PACRG: variants seen among roughly 807,000 people sequenced by gnomAD.
The protein encoded by PACRG is parkin coregulated.
PACRG carries 29 observed loss-of-function variants against 29.7 expected under a neutral mutation model. The ratio of observed to expected loss-of-function variants is 0.98; its 90% CI spans 0.73 to 1.33. PACRG has a LOEUF of 1.33. PACRG is among the 40% of genes most tolerant of loss of function. PACRG has a pLI of 0.00. For synonymous variants in PACRG, 116 were observed against 118.7 expected (o/e 0.98, Z 0.15); for missense variants, 279 against 316.2 (o/e 0.88, Z 0.89).
At chr6:163,309,406 A>T (rs1406595810) in intron 4 of PACRG, among the ~76,000 whole-genome samples, 1 of 152,222 alleles carries the variant, frequency 6.6e-6, no homozygotes, top group African/African-American at 2.4e-5. Flanking sequence ...TTGTTCTATC[A>T]GTATAATCGT....
At chr6:162,778,099 T>C (rs1468408930) in intron 1 of PACRG, among the ~76,000 whole-genome samples, 2 of 152,172 alleles carry the variant, frequency 1.3e-5, no homozygotes, top group African/African-American at 4.8e-5. Flanking sequence ...GTTTGCCATA[T>C]GAATGAAGGT....
At chr6:163,191,540 G>A (rs1180987336) in intron 4 of PACRG, 1 of 417,888 alleles carries the variant, frequency 2.4e-6, no homozygotes, top group Non-Finnish European at 4.8e-6. Flanking sequence ...CACTTAGGTG[G>A]TTTATAGGGT....
At chr6:163,077,883 G>A (rs1384083920) in intron 3 of PACRG, among the ~76,000 whole-genome samples, 1 of 152,158 alleles carries the variant, frequency 6.6e-6, no homozygotes, top group Non-Finnish European at 1.5e-5. Context: ...AGGGGAATGA[G>A]GAAGGGTGAT....
At chr6:162,937,896 A>AT (rs1268966000) in intron 2 of PACRG, among the ~76,000 whole-genome samples, 1 of 148,392 alleles carries the variant, frequency 6.7e-6, no homozygotes, top group African/African-American at 2.6e-5. Context: ...GTCATTTTTT[A>AT]ATTTTTTTTT....
At chr6:162,783,482 T>C (rs1300147553) in intron 1 of PACRG, among the ~76,000 whole-genome samples, 1 of 152,054 alleles carries the variant, frequency 6.6e-6, no homozygotes, top group East Asian at 1.9e-4. Context: ...TTATAACTGC[T>C]GTTTTTCATT....
rs1232069053 is a variant in PACRG at position 163,269,924 on chromosome 6, AAGAAAACAAAG to A, written c.614-44901_614-44891del. 5.4e-4 allele frequency among the ~76,000 whole-genome samples: 36 copies of A among 66,560 alleles called. 9 individuals are homozygous for A. Among genetic ancestry groups the A allele is most frequent in the African/African-American group, 3.0e-3 (35 of 11,720 alleles). The allele number at this position is 66,560 out of a possible 152,430, so 43.7% of individuals were successfully genotyped here. A position where few individuals can be genotyped will look rare whatever the true frequency, so the allele number is the denominator to read the frequency against. ...AAAGAAAGAAAGAAAGAAAGAAAGA[AAGAAAACAAAG>A]AAAGAAAGAAAGAAAGAAAGAAAGA... On this transcript the variant is annotated intron_variant, in intron 4 of 4. Coordinates refer to ENST00000366888, the MANE Select transcript of PACRG (RefSeq NM_001080379.2).
chr6:162,968,051 G>A (rs191597390), intron 2 of PACRG, among the ~76,000 whole-genome samples: 1 of 152,216 alleles, frequency 6.6e-6, no homozygotes, highest in East Asian at 1.9e-4. Flanking sequence ...TACTTACATA[G>A]TGAGTTACAC....
intron 3 of PACRG, among the ~76,000 whole-genome samples, chr6:163,079,375 G>A (rs551705): frequency 0.24 from 36,684 of 150,230 alleles, 4,873 homozygotes; most frequent in East Asian, 0.51. Context: ...AATCATTAGT[G>A]CGTATTACTT....
At chr6:163,298,216 C>T (rs1327643391) in intron 4 of PACRG, among the ~76,000 whole-genome samples, 1 of 141,140 alleles carries the variant, frequency 7.1e-6, no homozygotes, top group Non-Finnish European at 1.5e-5. Context: ...ACCCAGTAGA[C>T]AAATAGGCCA....
Position 162,755,676 on chromosome 6 carries a change from G to A in PACRG, c.156+27285G>A, listed in dbSNP as rs867685762. On this transcript the variant is annotated intron_variant, in intron 1 of 4. Transcript: ENST00000366888. ...GGTCTTGAATTCCTGACCTCAAATG[G>A]TCCACCCACCTTGGCCTCCCAAAGT... 1.0e-3 allele frequency among the ~76,000 whole-genome samples: 155 copies of A among 151,988 alleles called. 1 individual carries two copies. Among genetic ancestry groups the A allele is most frequent in the African/African-American group, 3.4e-3 (140 of 41,504 alleles).
intron 4 of PACRG, among the ~76,000 whole-genome samples, chr6:163,250,073 G>A (rs922043218): frequency 6.6e-6 from 1 of 152,182 alleles, no homozygotes; most frequent in Non-Finnish European, 1.5e-5. Flanking sequence ...GTGGTCATAA[G>A]GTGATAGACA....
intron 1 of PACRG, among the ~76,000 whole-genome samples, chr6:162,795,789 C>T (rs1785331614): frequency 6.6e-6 from 1 of 152,090 alleles, no homozygotes; most frequent in Non-Finnish European, 1.5e-5. Context: ...TTCAAAACTT[C>T]TTCAAATAGA....
intron 2 of PACRG, among the ~76,000 whole-genome samples, chr6:162,945,498 G>A (rs1798939343): frequency 6.6e-6 from 1 of 152,078 alleles, no homozygotes; most frequent in African/African-American, 2.4e-5. Flanking sequence ...ACTCAGATAT[G>A]TAAAGCAAGT....
At chr6:163,172,195 C>T (rs1779120942) in intron 4 of PACRG, among the ~76,000 whole-genome samples, 1 of 152,128 alleles carries the variant, frequency 6.6e-6, no homozygotes, top group African/African-American at 2.4e-5. Context: ...CTGCAAATTG[C>T]TTTTTAATGT....
chr6:163,029,724 G>A (rs1227031839), intron 2 of PACRG, among the ~76,000 whole-genome samples: 1 of 152,178 alleles, frequency 6.6e-6, no homozygotes, highest in Admixed American at 6.5e-5. Flanking sequence ...TCTGTGATTG[G>A]AAGGGGAGCT....
At chr6:163,308,450 G>T (rs1397772784) in intron 4 of PACRG, among the ~76,000 whole-genome samples, 1 of 152,232 alleles carries the variant, frequency 6.6e-6, no homozygotes, top group Non-Finnish European at 1.5e-5. Context: ...CGGATCACTT[G>T]AGGCCAGGAG....
At chr6:163,114,896 A>G (rs1286376435) in intron 4 of PACRG, among the ~76,000 whole-genome samples, 1 of 151,814 alleles carries the variant, frequency 6.6e-6, no homozygotes, top group Admixed American at 6.6e-5. Context: ...GAGGTGATGG[A>G]TATGCTAATT....
intron 2 of PACRG, among the ~76,000 whole-genome samples, chr6:162,929,754 T>C (rs1797712535): frequency 6.6e-6 from 1 of 152,032 alleles, no homozygotes. Context: ...TTGATTTTTG[T>C]AGATGGTGAG....
intron 2 of PACRG, among the ~76,000 whole-genome samples, chr6:162,915,340 A>C (rs1796629272): frequency 6.6e-6 from 1 of 151,978 alleles, no homozygotes; most frequent in Non-Finnish European, 1.5e-5. Flanking sequence ...TCAGGTTTGC[A>C]ACCTAGGAGG....
Sources: gnomAD v4.1 joint callset for allele counts (sites outside exome capture counted in the v4.1 genomes callset) on GRCh38, gnomAD v4.1.1 for gene constraint, MANE v1.5 for transcripts, NCBI Gene and HGNC (gene_info 2026-07-23, HGNC 2026-07-21) for gene names.